CDH9: variants seen among roughly 807,000 people sequenced by gnomAD.
CDH9 encodes the protein cadherin 9, also known as cadherin-9.
A neutral mutation model predicts 70.9 loss-of-function variants in CDH9; 28 were observed. That is an observed-to-expected ratio of 0.40 (90% confidence interval 0.29 to 0.54). The LOEUF (loss-of-function observed/expected upper bound fraction) is 0.54. CDH9 is among the 20% of genes least tolerant of loss of function. The pLI is 0.59. For missense variants in CDH9, 874 were observed against 984.4 expected (o/e 0.89, Z 1.50); for synonymous variants, 409 against 343.1 (o/e 1.19, Z -2.12).
chr5:26,914,602 T>A (rs1741116598), intron 3 of CDH9, among the ~76,000 whole-genome samples: 1 of 152,074 alleles, frequency 6.6e-6, no homozygotes, highest in Non-Finnish European at 1.5e-5. Context: ...TCATTTGAGG[T>A]GAGAATAAAT....
Position 26,881,293 on chromosome 5 carries a change from T to C in CDH9, c.2213A>G (p.Tyr738Cys). Reference sequence around the variant, plus strand: ...TATGGAATCATTCCCTTCATAGGCATACGTTGCCAGCGAATCATATGGAGG... The same window carrying C: ...TATGGAATCATTCCCTTCATAGGCACACGTTGCCAGCGAATCATATGGAGG... ...SAPPYDSLAT[Y>C]AYEGNDSIAD... Residue 738 changes from tyrosine to cysteine, a missense_variant, in exon 12 of 12, where the codon TAT (tyrosine) becomes TGT (cysteine). Transcript: ENST00000231021. The C allele has an allele frequency of 6.2e-7, 1 of 1,613,336 alleles. No homozygotes were observed. The highest frequency in any genetic ancestry group is 8.5e-7 in the Non-Finnish European group (1 of 1,179,388).
intron 4 of CDH9, 85 bp downstream of exon 4, chr5:26,906,634 T>G (rs962243316): frequency 3.3e-6 from 5 of 1,498,208 alleles, no homozygotes; most frequent in Non-Finnish European, 4.5e-6. Flanking sequence ...GAATAATGGT[T>G]TTAAAATATT....
chr5:26,946,273 C>A (rs6896887), intron 2 of CDH9, among the ~76,000 whole-genome samples: 3,591 of 152,164 alleles, frequency 0.024, 145 homozygotes, highest in African/African-American at 0.081. Flanking sequence ...TCCCAGATTC[C>A]TTCCTGATTC....
At chr5:27,000,634 T>G (rs931275932) in intron 1 of CDH9, among the ~76,000 whole-genome samples, 16 of 152,100 alleles carry the variant, frequency 1.1e-4, no homozygotes, top group Non-Finnish European at 4.4e-5. Flanking sequence ...GATTGAAAAA[T>G]AATGTCCACA....
chr5:26,918,109 T>C (rs1033147989), intron 2 of CDH9, among the ~76,000 whole-genome samples: 11 of 152,192 alleles, frequency 7.2e-5, no homozygotes, highest in African/African-American at 2.4e-4. Context: ...TCTCTGCCTC[T>C]TTTCCCTCTT....
At chr5:27,037,822 T>C (rs893907802) in intron 1 of CDH9, among the ~76,000 whole-genome samples, 1 of 152,012 alleles carries the variant, frequency 6.6e-6, no homozygotes, top group Non-Finnish European at 1.5e-5. Context: ...CTCACAGATG[T>C]ATACATTCAG....
chr5:27,002,775 T>C (rs1305031832), intron 1 of CDH9, among the ~76,000 whole-genome samples: 4 of 151,140 alleles, frequency 2.6e-5, no homozygotes, highest in Non-Finnish European at 5.9e-5. Context: ...TGTCGTGGGG[T>C]TGGGGGAGGG....
chr5:26,983,870 A>C (rs1172683311), intron 2 of CDH9, among the ~76,000 whole-genome samples: 6 of 152,138 alleles, frequency 3.9e-5, no homozygotes, highest in Admixed American at 3.3e-4. Flanking sequence ...CATACCTGAA[A>C]AGCTTAAGAA....
intron 11 of CDH9, among the ~76,000 whole-genome samples, chr5:26,885,375 A>AT (rs1740545790): frequency 6.6e-6 from 1 of 152,212 alleles, no homozygotes; most frequent in Non-Finnish European, 1.5e-5. Context: ...TAAAGTATAT[A>AT]TTTTTAAATA....
intron 1 of CDH9, among the ~76,000 whole-genome samples, chr5:27,036,660 T>C (rs1278058028): frequency 6.6e-6 from 1 of 151,974 alleles, no homozygotes; most frequent in Non-Finnish European, 1.5e-5. Context: ...TACTCTCTGC[T>C]TTCTCTAAAT....
Position 26,915,817 on chromosome 5 carries a change from A to T in CDH9, c.336T>A (p.Ala112=), listed in dbSNP as rs756555616. The part of the protein sequence containing the change: ...VIDENTGDIH[A]AKKLDREEKS... ...TTTCTTCTCTGTCTAGTTTCTTTGC[A>T]GCATGAATGTCTCCTGTATTTTCAT... The change falls in exon 3 of 12, where the codon GCT becomes GCA. Residue 112 remains alanine, a synonymous_variant. Transcript: ENST00000231021. 4.3e-6 allele frequency: 7 copies of T among 1,613,432 alleles called. No homozygotes were observed. The South Asian group carries it at 7.7e-5, about 18-fold the overall frequency.
intron 5 of CDH9, among the ~76,000 whole-genome samples, chr5:26,904,773 T>C (rs1172753415): frequency 6.6e-6 from 1 of 152,114 alleles, no homozygotes; most frequent in Non-Finnish European, 1.5e-5. Flanking sequence ...TGTCTGCGTC[T>C]AAGAAATAAG....
chr5:26,918,536 A>T (rs1408970713), intron 2 of CDH9, among the ~76,000 whole-genome samples: 1 of 152,240 alleles, frequency 6.6e-6, no homozygotes, highest in African/African-American at 2.4e-5. Flanking sequence ...ATAAAATCAG[A>T]TCATAAATAA....
Position 26,979,274 on chromosome 5 carries a change from A to G in CDH9, c.228+8832T>C, listed in dbSNP as rs564066482. On this transcript the variant is annotated intron_variant, in intron 2 of 11. Transcript: ENST00000231021. Reference sequence around the variant, plus strand: ...TGTAAGATGAGTGTATTATATGCTAAAATATACACTATTAATTCAATTTAT... The same window carrying G: ...TGTAAGATGAGTGTATTATATGCTAGAATATACACTATTAATTCAATTTAT... Among the ~76,000 whole-genome samples the G allele has an allele frequency of 1.4e-4, 21 of 151,892 alleles. 1 individual carries two copies. Among genetic ancestry groups the G allele is most frequent in the African/African-American group, 5.1e-4 (21 of 41,560 alleles).
At position 26,906,703 on chromosome 5, in the gene CDH9, A is replaced by T. The variant is rs570194287; in HGVS notation, c.643+16T>A. 5 of 1,611,826 alleles carry T rather than the reference A, an allele frequency of 3.1e-6. No individual in the cohort carries two copies. Among genetic ancestry groups the T allele is most frequent in the Admixed American group, 1.7e-5 (1 of 59,940 alleles). On this transcript the variant is annotated intron_variant, in intron 4 of 11. Transcript: ENST00000231021. The stretch of plus-strand genomic sequence containing the variant: ...GTATTATACAATAAGAAGTCAGCCA[A>T]GTTTAAATGTTGTACCTGATTCTGG...
intron 1 of CDH9, among the ~76,000 whole-genome samples, chr5:27,027,446 T>A (rs914925134): frequency 5.3e-5 from 8 of 151,992 alleles, no homozygotes; most frequent in African/African-American, 1.9e-4. Context: ...ACCATAACCA[T>A]CTTAAGAATA....
chr5:27,025,088 G>A (rs1293453297), intron 1 of CDH9, among the ~76,000 whole-genome samples: 3 of 152,036 alleles, frequency 2.0e-5, no homozygotes, highest in South Asian at 2.1e-4. Context: ...AATCCAAATT[G>A]GGTATTATTT....
At chr5:26,971,776 C>T (rs976091757) in intron 2 of CDH9, among the ~76,000 whole-genome samples, 1 of 152,040 alleles carries the variant, frequency 6.6e-6, no homozygotes, top group Non-Finnish European at 1.5e-5. Context: ...TACACACACA[C>T]ACACACCCAT....
intron 1 of CDH9, among the ~76,000 whole-genome samples, chr5:26,999,346 A>C (rs1038600602): frequency 6.6e-6 from 1 of 152,204 alleles, no homozygotes; most frequent in African/African-American, 2.4e-5. Flanking sequence ...ACTTCTCTTC[A>C]TATAAGGATA....
Sources: gnomAD v4.1 joint callset for allele counts (sites outside exome capture counted in the v4.1 genomes callset) on GRCh38, gnomAD v4.1.1 for gene constraint, MANE v1.5 for transcripts, NCBI Gene and HGNC (gene_info 2026-07-23, HGNC 2026-07-21) for gene names.